PTPRT: variants seen among roughly 807,000 people sequenced by gnomAD.
The protein encoded by PTPRT is protein tyrosine phosphatase receptor type T, also known as receptor-type tyrosine-protein phosphatase T.
In PTPRT, 56 loss-of-function variants were observed where a neutral mutation model predicts 176.8. The observed-to-expected ratio is 0.32, with a 90% CI of 0.26 to 0.40. The LOEUF (loss-of-function observed/expected upper bound fraction) is 0.40. Ranked by LOEUF, PTPRT falls within the 10% of genes least tolerant of loss-of-function variation. The probability of loss-of-function intolerance (pLI) is 1.00; values close to 1 mark genes in which losing one functional copy is unlikely to be tolerated. For synonymous variants in PTPRT, 783 were observed against 739.0 expected, an observed-to-expected ratio of 1.06 and a Z score of -0.96; for missense variants, 1,540 against 1,908.2, an observed-to-expected ratio of 0.81 and a Z score of 3.60.
chr20:43,001,200 G>T (rs1421876560), intron 1 of PTPRT, among the ~76,000 whole-genome samples: 1 of 152,010 alleles, frequency 6.6e-6, no homozygotes, highest in Admixed American at 6.6e-5. Context: ...AAAATACAAG[G>T]AATCATGAAT....
intron 1 of PTPRT, among the ~76,000 whole-genome samples, chr20:43,140,464 G>C (rs946662220): frequency 2.0e-5 from 1 of 51,040 alleles, no homozygotes; most frequent in Non-Finnish European, 7.3e-5. Context: ...GTGTGTGTGT[G>C]TGTGTGTGTG....
At chr20:42,954,931 G>C (rs1022839730) in intron 1 of PTPRT, among the ~76,000 whole-genome samples, 1 of 151,746 alleles carries the variant, frequency 6.6e-6, no homozygotes, top group African/African-American at 2.4e-5. Context: ...AGGGAGGAGA[G>C]GAAGAGGGAG....
chr20:42,458,720 T>C (rs1185767151), intron 8 of PTPRT, among the ~76,000 whole-genome samples: 1 of 152,220 alleles, frequency 6.6e-6, no homozygotes, highest in African/African-American at 2.4e-5. Flanking sequence ...ATAGAAGCTA[T>C]ATCTTCTCAT....
At chr20:42,949,149 A>G (rs2146010982) in intron 1 of PTPRT, among the ~76,000 whole-genome samples, 1 of 152,346 alleles carries the variant, frequency 6.6e-6, no homozygotes, top group South Asian at 2.1e-4. Flanking sequence ...GATGTCTGCC[A>G]TCAATTCTTT....
intron 1 of PTPRT, among the ~76,000 whole-genome samples, chr20:42,945,750 A>T (rs941886502): frequency 1.3e-5 from 2 of 152,004 alleles, no homozygotes; most frequent in African/African-American, 4.8e-5. Context: ...TAGAACAACT[A>T]TTTTAAAGTG....
chr20:43,185,405 G>A (rs552334786), intron 1 of PTPRT, among the ~76,000 whole-genome samples: 18 of 152,314 alleles, frequency 1.2e-4, no homozygotes, highest in South Asian at 1.0e-3. Flanking sequence ...GGCTGCACAC[G>A]GGAGAGTGTA....
At chr20:42,154,641 G>A (rs942016487) in intron 17 of PTPRT, among the ~76,000 whole-genome samples, 7 of 152,188 alleles carry the variant, frequency 4.6e-5, no homozygotes, top group Non-Finnish European at 1.5e-5. Flanking sequence ...CAGCCTGTCT[G>A]GATTGAACTG....
rs1053460329 is a variant in PTPRT at position 42,352,270 on chromosome 20, C to A, written c.1576G>T (p.Val526Phe). ...ITLYEINYKA[V>F]GSLDPSADLS... Reference sequence around the variant, plus strand: ...TCAGCACTTGGGTCCAGCGAGCCGACAGCCTTGTAGTTGATCTGTAGGACA... The same window carrying A: ...TCAGCACTTGGGTCCAGCGAGCCGAAAGCCTTGTAGTTGATCTGTAGGACA... Residue 526 changes from valine to phenylalanine, a missense_variant, in exon 10 of 31, where the codon GTC (valine) becomes TTC (phenylalanine). Coordinates refer to ENST00000373187, the MANE Select transcript of PTPRT (RefSeq NM_007050.6). The A allele has an allele frequency of 1.2e-6, 2 of 1,614,032 alleles. No individual in the cohort carries two copies. The highest frequency in any genetic ancestry group is 2.7e-5 in the African/African-American group (2 of 74,910).
At chr20:42,991,636 T>C (rs1282001551) in intron 1 of PTPRT, among the ~76,000 whole-genome samples, 1 of 152,068 alleles carries the variant, frequency 6.6e-6, no homozygotes, top group East Asian at 1.9e-4. Context: ...TAGAAATGGA[T>C]AGGAATGATG....
intron 7 of PTPRT, among the ~76,000 whole-genome samples, chr20:42,493,637 C>A (rs950560875): frequency 1.3e-5 from 2 of 152,114 alleles, no homozygotes; most frequent in Non-Finnish European, 2.9e-5. Flanking sequence ...TGATCTTCCA[C>A]ACTGAACCGG....
At chr20:42,119,407 C>G (rs1228813450) in intron 20 of PTPRT, among the ~76,000 whole-genome samples, 1 of 152,142 alleles carries the variant, frequency 6.6e-6, no homozygotes, top group Non-Finnish European at 1.5e-5. Flanking sequence ...GAATAATGTT[C>G]TTATATGCGT....
intron 16 of PTPRT, among the ~76,000 whole-genome samples, chr20:42,184,338 A>G (rs1412744831): frequency 6.6e-6 from 1 of 152,162 alleles, no homozygotes; most frequent in Non-Finnish European, 1.5e-5. Flanking sequence ...ACAGTGTTTA[A>G]GATTCAACTT....
chr20:43,172,761 T>C (rs2015033492), intron 1 of PTPRT, among the ~76,000 whole-genome samples: 1 of 152,072 alleles, frequency 6.6e-6, no homozygotes, highest in African/African-American at 2.4e-5. Flanking sequence ...TCACAGATGA[T>C]AAAATCGAGG....
In PTPRT at chr20:42,352,152, G is replaced by T. The variant is rs552058956; in HGVS notation, c.1694C>A (p.Thr565Asn). The change falls in exon 10 of 31, where the codon ACC (threonine) becomes AAC (asparagine). Residue 565 changes from threonine (T) to asparagine (N), a missense_variant. Thr to Asn is a moderately conservative substitution (Grantham distance 65). This residue lies in a region of PTPRT where 136 missense variants were observed against 135.0 expected (regional missense o/e 1.01). Transcript: ENST00000373187. ...GCCCTTTGCTGTGCTGGCCTTGATG[G>T]TGAAGGAATAGGTGGTCCCTGGGTA... is the stretch of plus-strand genomic sequence containing the variant. The part of the protein sequence containing the change: ...GLYPGTTYSF[T>N]IKASTAKGFG... The T allele has an allele frequency of 9.7e-5, 157 of 1,614,198 alleles. No individual in the cohort carries two copies. The East Asian group carries it at 2.8e-3, about 29-fold the overall frequency.
chr20:42,957,467 C>T (rs1600593463), intron 1 of PTPRT, among the ~76,000 whole-genome samples: 1 of 152,114 alleles, frequency 6.6e-6, no homozygotes, highest in Non-Finnish European at 1.5e-5. Context: ...ATTTCTATAT[C>T]AGAGAAACTG....
chr20:42,154,603 A>G (rs1335556310), intron 17 of PTPRT, among the ~76,000 whole-genome samples: 3 of 152,168 alleles, frequency 2.0e-5, no homozygotes, highest in African/African-American at 4.8e-5. Context: ...TGGTTGCCCT[A>G]CTGGGCTGGT....
At chr20:42,903,580 A>T (rs2079434994) in intron 1 of PTPRT, among the ~76,000 whole-genome samples, 1 of 152,242 alleles carries the variant, frequency 6.6e-6, no homozygotes, top group Non-Finnish European at 1.5e-5. Flanking sequence ...TCATAAGTAC[A>T]GTTGGTTGTC....
At chr20:42,921,034 G>A (rs1242136402) in intron 1 of PTPRT, among the ~76,000 whole-genome samples, 1 of 152,138 alleles carries the variant, frequency 6.6e-6, no homozygotes, top group Non-Finnish European at 1.5e-5. Flanking sequence ...GAGACAGCAC[G>A]GCAAAATGCT....
intron 1 of PTPRT, among the ~76,000 whole-genome samples, chr20:42,946,049 G>C (rs1980865306): frequency 6.6e-6 from 1 of 152,168 alleles, no homozygotes; most frequent in South Asian, 2.1e-4. Context: ...CCACAATATA[G>C]CTGGGATCAC....
Sources: allele counts gnomAD v4.1 joint callset (sites outside exome capture counted in the v4.1 genomes callset), GRCh38; gene constraint gnomAD v4.1.1; regional missense constraint gnomAD v4.1.1; transcripts MANE v1.5; gene names NCBI Gene and HGNC (gene_info 2026-07-23, HGNC 2026-07-21).